Variants in TRDN observed in about 807,000 individuals in gnomAD.
The protein encoded by TRDN is triadin, also known as triadin in skeletal muscle.
TRDN carries 161 observed loss-of-function variants against 149.7 expected under a neutral mutation model. The observed-to-expected ratio is 1.08, with a 90% CI of 0.95 to 1.23. The LOEUF is 1.23. Ranked by LOEUF, TRDN falls within the 50% of genes most tolerant of loss-of-function variation. The pLI, the probability that TRDN is intolerant of heterozygous loss-of-function variation, is 0.00. For missense variants in TRDN, 896 were observed against 823.5 expected (o/e 1.09, Z -1.08); for synonymous variants, 294 against 250.5 (o/e 1.17, Z -1.64).
At chr6:123,514,963 A>G (rs1309725973) in intron 6 of TRDN, among the ~76,000 whole-genome samples, 1 of 152,046 alleles carries the variant, frequency 6.6e-6, no homozygotes, top group Admixed American at 6.6e-5. Flanking sequence ...GCATTAGGAC[A>G]AATACCTAAT....
At chr6:123,606,137 C>A (rs1193144898) in intron 1 of TRDN, among the ~76,000 whole-genome samples, 1 of 152,002 alleles carries the variant, frequency 6.6e-6, no homozygotes, top group African/African-American at 2.4e-5. Flanking sequence ...TTATAAAGAA[C>A]AAAATTAAAT....
intron 38 of TRDN, among the ~76,000 whole-genome samples, chr6:123,251,493 A>G (rs1054091856): frequency 2.0e-4 from 31 of 152,146 alleles, no homozygotes; most frequent in African/African-American, 7.5e-4. Context: ...AATAAGTTAC[A>G]TAAAATAAAA....
intron 4 of TRDN, among the ~76,000 whole-genome samples, chr6:123,542,211 A>T (rs1780869430): frequency 6.6e-6 from 1 of 152,198 alleles, no homozygotes; most frequent in Non-Finnish European, 1.5e-5. Context: ...CTCATAGAAC[A>T]TCATCCTCTA....
chr6:123,380,337 T>G (rs953305008), intron 16 of TRDN, among the ~76,000 whole-genome samples: 54 of 152,216 alleles, frequency 3.5e-4, no homozygotes, highest in African/African-American at 1.3e-3. Flanking sequence ...ATATGTACTT[T>G]AATACTATTT....
intron 12 of TRDN, among the ~76,000 whole-genome samples, chr6:123,435,270 C>T (rs1247509766): frequency 1.3e-5 from 2 of 151,874 alleles, no homozygotes; most frequent in African/African-American, 4.8e-5. Context: ...TATGCTCTGC[C>T]ATGTTCCTCT....
At chr6:123,625,721 T>C (rs1785628769) in intron 1 of TRDN, among the ~76,000 whole-genome samples, 1 of 152,192 alleles carries the variant, frequency 6.6e-6, no homozygotes, top group African/African-American at 2.4e-5. Context: ...CCCATAAATA[T>C]ATACACCTAC....
chr6:123,582,152 C>T (rs1269179160), intron 1 of TRDN, among the ~76,000 whole-genome samples: 1 of 152,130 alleles, frequency 6.6e-6, no homozygotes, highest in Non-Finnish European at 1.5e-5. Context: ...TGGTTCAGTT[C>T]AGAAGAGTGA....
chr6:123,473,567 A>G (rs1777300191), intron 9 of TRDN, among the ~76,000 whole-genome samples: 1 of 151,946 alleles, frequency 6.6e-6, no homozygotes. Context: ...AGGCAGGCCA[A>G]CGTTCAGATT....
chr6:123,414,793 G>T (rs1025061930), intron 12 of TRDN, among the ~76,000 whole-genome samples: 6 of 151,912 alleles, frequency 3.9e-5, no homozygotes, highest in African/African-American at 1.5e-4. Flanking sequence ...TTTGATTATT[G>T]CTGGAAAATG....
Position 123,548,462 on chromosome 6 carries a change from G to C in TRDN, c.383C>G (p.Thr128Ser), listed in dbSNP as rs9490809. The C allele has an allele frequency of 0.51, 791,166 of 1,556,642 alleles. 207,684 individuals are homozygous for C. The highest frequency in any genetic ancestry group is 0.54 in the African/African-American group (39,154 of 72,454). The change falls in exon 3 of 41, where the codon ACT becomes AGT. Residue 128 changes from threonine (T) to serine (S), a missense_variant. Coordinates refer to ENST00000334268, the MANE Select transcript of TRDN (RefSeq NM_006073.4). ...DEEDDDGDEDTDKGEIDEPPL... is the reference protein window; with the variant it reads ...DEEDDDGDEDSDKGEIDEPPL... ...CTCTATGTTCTTTGTACCTTTATCA[G>C]TATCTTCGTCACCATCATCATCTTC...
intron 14 of TRDN, among the ~76,000 whole-genome samples, chr6:123,385,383 G>T (rs1426409749): frequency 1.3e-5 from 2 of 148,410 alleles, no homozygotes; most frequent in Non-Finnish European, 3.0e-5. Context: ...AGCAGAGATT[G>T]TGCCCACTCC....
intron 14 of TRDN, among the ~76,000 whole-genome samples, chr6:123,386,702 C>G (rs1432262628): frequency 6.6e-6 from 1 of 152,188 alleles, no homozygotes; most frequent in African/African-American, 2.4e-5. Flanking sequence ...TGGAATGGAG[C>G]TGCAGACCAC....
At chr6:123,427,654 C>A (rs1774177086) in intron 12 of TRDN, among the ~76,000 whole-genome samples, 1 of 152,076 alleles carries the variant, frequency 6.6e-6, no homozygotes, top group South Asian at 2.1e-4. Context: ...TAAGTCTACA[C>A]CTAAATAGGA....
rs551000466 is a variant in TRDN at position 123,296,180 on chromosome 6, T to C, written c.1511-17098A>G. Among the ~76,000 whole-genome samples, 263 of 152,266 alleles carry C rather than the reference T, an allele frequency of 1.7e-3. 1 individual carries two copies. Among genetic ancestry groups the C allele is most frequent in the African/African-American group, 6.2e-3 (258 of 41,564 alleles). On this transcript the variant is annotated intron_variant, in intron 24 of 40. Transcript: ENST00000334268. Reference sequence around the variant, plus strand: ...TTTTCTGCTTTAATCTATCAGAGCATGTTTAACTTTAAGGGCGTATTAACA... The same window carrying C: ...TTTTCTGCTTTAATCTATCAGAGCACGTTTAACTTTAAGGGCGTATTAACA...
At chr6:123,254,325 G>A (rs980612468) in intron 37 of TRDN, among the ~76,000 whole-genome samples, 19 of 151,994 alleles carry the variant, frequency 1.3e-4, no homozygotes, top group Non-Finnish European at 1.9e-4. Context: ...TGAAAGGTAT[G>A]TCTAGATATG....
At chr6:123,310,644 T>A (rs1334050668) in intron 24 of TRDN, among the ~76,000 whole-genome samples, 1 of 151,928 alleles carries the variant, frequency 6.6e-6, no homozygotes, top group Non-Finnish European at 1.5e-5. Context: ...GATGGCTTGA[T>A]AATTTTAGAA....
chr6:123,430,803 C>T (rs1487345003), intron 12 of TRDN, among the ~76,000 whole-genome samples: 2 of 152,090 alleles, frequency 1.3e-5, no homozygotes, highest in African/African-American at 2.4e-5. Context: ...ATGCCCATGT[C>T]CTTACCTCAT....
At chr6:123,332,164 A>T (rs970504776) in intron 22 of TRDN, among the ~76,000 whole-genome samples, 1 of 152,102 alleles carries the variant, frequency 6.6e-6, no homozygotes, top group Non-Finnish European at 1.5e-5. Context: ...AACAAGTTAT[A>T]ATCTACTTGT....
chr6:123,571,014 A>AG lies in TRDN; in HGVS notation c.140dup (p.Ala48CysfsTer22). ...GGGCAATGACCAGAAGCCAGGCTGCAGGGGAGCTGAACGTCGTCACTATGT... is the reference window on the plus strand; with the variant it reads ...GGGCAATGACCAGAAGCCAGGCTGCAGGGGGAGCTGAACGTCGTCACTATGT... On this transcript the variant is annotated frameshift_variant, in exon 2 of 41. Coordinates refer to ENST00000334268, the MANE Select transcript of TRDN (RefSeq NM_006073.4). LOFTEE classifies it high-confidence loss of function. 6.2e-7 allele frequency: 1 copy of AG among 1,613,990 alleles called. No homozygotes were observed.
Sources: gnomAD v4.1 joint callset for allele counts (sites outside exome capture counted in the v4.1 genomes callset) on GRCh38, gnomAD v4.1.1 for gene constraint, MANE v1.5 for transcripts, NCBI Gene and HGNC (gene_info 2026-07-23, HGNC 2026-07-21) for gene names.